The following MYLK variants were observed in gnomAD, a reference collection of about 807,000 sequenced individuals.
The protein encoded by MYLK is myosin light chain kinase, smooth muscle.
MYLK carries 106 observed loss-of-function variants against 203.4 expected under a neutral mutation model. That is an observed-to-expected ratio of 0.52 (90% CI 0.45 to 0.61). The LOEUF (loss-of-function observed/expected upper bound fraction) is 0.61, where lower values mean the gene tolerates loss of function less well. MYLK is among the 20% of genes least tolerant of loss of function. The pLI is 0.00. For synonymous variants in MYLK, 867 were observed against 959.5 expected, an observed-to-expected ratio of 0.90 and a Z score of 1.78; for missense variants, 2,072 against 2,442.3, an observed-to-expected ratio of 0.85 and a Z score of 3.20.
intron 6 of MYLK, among the ~76,000 whole-genome samples, chr3:123,739,395 T>C (rs540920072): frequency 6.6e-6 from 1 of 152,224 alleles, no homozygotes; most frequent in Middle Eastern, 3.2e-3. Context: ...CAGGGCCGAC[T>C]CATAAGAACC....
intron 2 of MYLK, among the ~76,000 whole-genome samples, chr3:123,845,851 C>T (rs7634556): frequency 0.84 from 127,088 of 152,132 alleles, 53,249 homozygotes; most frequent in East Asian, 0.96. Context: ...CACCACCTCC[C>T]CACTGTTTAA....
intron 2 of MYLK, among the ~76,000 whole-genome samples, chr3:123,858,564 T>G (rs1053521854): frequency 6.6e-6 from 1 of 152,184 alleles, no homozygotes; most frequent in African/African-American, 2.4e-5. Flanking sequence ...ATGCTGACCA[T>G]GCTAGCTCAA....
At chr3:123,620,069 A>C in intron 32 of MYLK, 138 bp downstream of exon 32, 1 of 819,852 alleles carries the variant, frequency 1.2e-6, no homozygotes, top group Non-Finnish European at 2.0e-6. Flanking sequence ...AGGGCAACCC[A>C]AAATTACTTC....
intron 4 of MYLK, among the ~76,000 whole-genome samples, chr3:123,781,177 G>T (rs1258999644): frequency 1.3e-5 from 2 of 152,244 alleles, no homozygotes; most frequent in African/African-American, 2.4e-5. Flanking sequence ...CAAATGCCAG[G>T]CCAGGAGTCT....
At chr3:123,684,172 C>G (rs1175507799) in intron 19 of MYLK, among the ~76,000 whole-genome samples, 2 of 152,154 alleles carry the variant, frequency 1.3e-5, no homozygotes, top group African/African-American at 4.8e-5. Context: ...TCAGCCTCAG[C>G]TGTATGTTAG....
chr3:123,655,346 TA>T (rs2059360396), intron 24 of MYLK, among the ~76,000 whole-genome samples: 1 of 152,166 alleles, frequency 6.6e-6, no homozygotes, highest in South Asian at 2.1e-4. Flanking sequence ...TTTCTCCTGG[TA>T]CTGCAAGTTC....
chr3:123,701,086 C>T (rs2061190908), intron 17 of MYLK, 81 bp from the exon 18 acceptor site: 7 of 1,551,846 alleles, frequency 4.5e-6, no homozygotes, highest in Non-Finnish European at 6.1e-6. Context: ...GAGAGCAAAT[C>T]CCTGAGGGTG....
At chr3:123,689,462 A>AG (rs982896895) in intron 19 of MYLK, among the ~76,000 whole-genome samples, 2 of 152,220 alleles carry the variant, frequency 1.3e-5, no homozygotes, top group African/African-American at 4.8e-5. Flanking sequence ...GGCTGTGGAA[A>AG]GGAACAGGTT....
chr3:123,678,521 G>T (rs376639570), intron 20 of MYLK, among the ~76,000 whole-genome samples: 1 of 151,932 alleles, frequency 6.6e-6, no homozygotes, highest in Non-Finnish European at 1.5e-5. Flanking sequence ...TCAGCAGGGA[G>T]GGGGGTGTGC....
chr3:123,709,134 A>ATTTTTTTTTTTTTTTTTTT (rs1161776768), intron 14 of MYLK: 1 of 168,482 alleles, frequency 5.9e-6, no homozygotes, highest in Non-Finnish European at 1.1e-5. Flanking sequence ...TTCTCACATA[A>ATTTTTTTTTTTTTTTTTTT]TTTTTTTTTT....
chr3:123,879,080 C>G (rs543948048), intron 1 of MYLK, among the ~76,000 whole-genome samples: 2 of 152,174 alleles, frequency 1.3e-5, no homozygotes, highest in Non-Finnish European at 2.9e-5. Context: ...GATTCCAGAA[C>G]TAGGAAGTGA....
chr3:123,779,614 G>C (rs779559012), intron 4 of MYLK, among the ~76,000 whole-genome samples: 4 of 152,206 alleles, frequency 2.6e-5, no homozygotes, highest in Non-Finnish European at 5.9e-5. Flanking sequence ...GAGTGGCTGA[G>C]AGGGACCTGC....
At chr3:123,777,421 C>A (rs1028152593) in intron 4 of MYLK, among the ~76,000 whole-genome samples, 1 of 152,200 alleles carries the variant, frequency 6.6e-6, no homozygotes, top group East Asian at 1.9e-4. Flanking sequence ...TCTGGCAAGC[C>A]CATGTTTATA....
rs745889824 is a variant in MYLK, at chr3:123,709,435, C to T, written c.1942+321G>A. ...GATTACAGGCGTGAGCCACCGTGCC[C>T]GGCCCATAATCTGGTTTTGTACCAG... is the stretch of plus-strand genomic sequence containing the variant. On this transcript the variant is annotated intron_variant, in intron 14 of 33. Coordinates refer to ENST00000360304, the MANE Select transcript of MYLK (RefSeq NM_053025.4). The T allele has an allele frequency of 1.3e-4, 47 of 362,626 alleles. No individual in the cohort carries two copies. In the East Asian group the frequency reaches 1.9e-3, roughly 15 times the overall value. 22.5% of individuals were successfully genotyped at this position (362,626 alleles called of 1,614,324 possible). A position where few individuals can be genotyped will look rare whatever the true frequency, so the allele number is the denominator to read the frequency against.
At chr3:123,682,823 C>A (rs1329925958) in intron 19 of MYLK, among the ~76,000 whole-genome samples, 1 of 152,152 alleles carries the variant, frequency 6.6e-6, no homozygotes, top group African/African-American at 2.4e-5. Flanking sequence ...AAACGGAGGC[C>A]TCTGAGCACA....
At position 123,813,049 on chromosome 3, in the gene MYLK, G is replaced by A. The variant is rs150722239; in HGVS notation, c.-4+18499C>T. 6.6e-3 allele frequency among the ~76,000 whole-genome samples: 1,003 copies of A among 152,302 alleles called. 12 individuals are homozygous for A. The highest frequency in any genetic ancestry group is 0.023 in the African/African-American group (958 of 41,558). ...CCAAAAAACGTGCCTTGACAGAGCC[G>A]ATAGAAGAAAGGGCAGACAGCAGGA... On this transcript the variant is annotated intron_variant, in intron 3 of 33. Transcript: ENST00000360304.
rs547322504 is a variant in MYLK, at chr3:123,708,725, G to A, written c.2113C>T (p.Arg705Cys). Residue 705 changes from arginine (R) to cysteine (C), a missense_variant, in exon 15 of 34, where the codon CGC (arginine) becomes TGC (cysteine). Transcript: ENST00000360304. The stretch of plus-strand genomic sequence containing the variant: ...TGTACCGTGAGCACGGCCTGGGTGC[G>A]GACCTCTCCAGCGCTGTTCCAGGCC... ...CEAWNSAGEV[R>C]TQAVLTVQEP... 380 of 1,614,142 alleles carry A rather than the reference G, an allele frequency of 2.4e-4. 8 individuals are homozygous for A. In the South Asian group the frequency reaches 3.1e-3, roughly 13 times the overall value.
chr3:123,647,643 A>G (rs1056495908), intron 26 of MYLK, among the ~76,000 whole-genome samples: 1 of 152,174 alleles, frequency 6.6e-6, no homozygotes, highest in Non-Finnish European at 1.5e-5. Flanking sequence ...CATAAAATCT[A>G]AGATATCAGC....
At chr3:123,808,103 C>T (rs531142126) in intron 3 of MYLK, among the ~76,000 whole-genome samples, 1 of 152,336 alleles carries the variant, frequency 6.6e-6, no homozygotes, top group African/African-American at 2.4e-5. Context: ...CAGTCAGGCC[C>T]AGACACAGCC....
Sources: allele counts gnomAD v4.1 joint callset (sites outside exome capture counted in the v4.1 genomes callset), GRCh38; gene constraint gnomAD v4.1.1; transcripts MANE v1.5; gene names NCBI Gene and HGNC (gene_info 2026-07-23, HGNC 2026-07-21).